CHRM3: variants seen among roughly 807,000 people sequenced by gnomAD.
CHRM3 encodes cholinergic receptor muscarinic 3, also known as muscarinic acetylcholine receptor M3.
In CHRM3, 11 loss-of-function variants were observed where a neutral mutation model predicts 41.8. That is an observed-to-expected ratio of 0.26 (90% CI 0.17 to 0.44). The LOEUF is 0.44. Ranked by LOEUF, CHRM3 falls within the 20% of genes least tolerant of loss-of-function variation. CHRM3 has a pLI of 1.00. For synonymous variants in CHRM3, 297 were observed against 301.4 expected (o/e 0.99, Z 0.15); for missense variants, 571 against 745.4 (o/e 0.77, Z 2.72).
At chr1:239,612,706 C>T (rs2148760677) in intron 3 of CHRM3, among the ~76,000 whole-genome samples, 1 of 152,302 alleles carries the variant, frequency 6.6e-6, no homozygotes, top group Non-Finnish European at 1.5e-5. Flanking sequence ...TGCTGAGCAT[C>T]ATATCACAGT....
chr1:239,590,138 C>G (rs1233317215), intron 3 of CHRM3, among the ~76,000 whole-genome samples: 1 of 152,134 alleles, frequency 6.6e-6, no homozygotes, highest in African/African-American at 2.4e-5. Context: ...CTCCTTTCTT[C>G]TCATCATCCC....
At chr1:239,597,723 T>G (rs1004825650) in intron 3 of CHRM3, among the ~76,000 whole-genome samples, 1 of 151,896 alleles carries the variant, frequency 6.6e-6, no homozygotes, top group Non-Finnish European at 1.5e-5. Context: ...TTAGTAATTC[T>G]TAACTCTATT....
intron 1 of CHRM3, among the ~76,000 whole-genome samples, chr1:239,484,394 G>T (rs1487168483): frequency 6.6e-6 from 1 of 152,178 alleles, no homozygotes; most frequent in Non-Finnish European, 1.5e-5. Context: ...AGCCATTCAT[G>T]AGGGTACTGC....
intron 3 of CHRM3, among the ~76,000 whole-genome samples, chr1:239,562,721 C>G (rs1272984122): frequency 6.6e-6 from 1 of 151,950 alleles, no homozygotes; most frequent in Non-Finnish European, 1.5e-5. Context: ...AACCCCATCT[C>G]TACTAAAAAT....
intron 5 of CHRM3, among the ~76,000 whole-genome samples, chr1:239,820,442 C>T: frequency 6.6e-6 from 1 of 152,158 alleles, no homozygotes; most frequent in South Asian, 2.1e-4. Flanking sequence ...TTCGTCTTCC[C>T]TCCTGCGATA....
chr1:239,859,428 T>TG (rs1162006645), intron 6 of CHRM3, among the ~76,000 whole-genome samples: 4,036 of 147,640 alleles, frequency 0.027, 187 homozygotes, highest in African/African-American at 0.096. Context: ...TGTTTTTTTT[T>TG]TTTGTTTTTT....
At chr1:239,730,086 C>G (rs1663818368) in intron 5 of CHRM3, among the ~76,000 whole-genome samples, 1 of 151,898 alleles carries the variant, frequency 6.6e-6, no homozygotes, top group Admixed American at 6.6e-5. Context: ...GGCAATACCA[C>G]TCCTATCAAT....
chr1:239,459,132 G>C (rs1665172366), intron 1 of CHRM3, among the ~76,000 whole-genome samples: 1 of 152,124 alleles, frequency 6.6e-6, no homozygotes, highest in African/African-American at 2.4e-5. Flanking sequence ...TTGTAACACA[G>C]ACCAGTGGCT....
chr1:239,907,385 A>G lies in CHRM3; in HGVS notation c.-19-48A>G, dbSNP rs1252672077. On this transcript the variant is annotated intron_variant, in intron 6 of 6. Transcript: ENST00000676153. The surrounding 1 kb of genome is among the most constrained non-coding windows in gnomAD (Gnocchi z 5.4). ...CGTATGTAATGCAAAGAACAAACAA[A>G]TAAAGGCAGAAATTTTTCTAACTCT... is the stretch of plus-strand genomic sequence containing the variant. The G allele has an allele frequency of 1.4e-6, 2 of 1,477,878 alleles. No homozygotes were observed. The highest frequency in any genetic ancestry group is 1.4e-5 in the African/African-American group (1 of 71,284). The allele number at this position is 1,477,878 out of a possible 1,614,324, so 91.5% of individuals were successfully genotyped here.
At chr1:239,756,319 AG>A (rs577608079) in intron 5 of CHRM3, among the ~76,000 whole-genome samples, 190 of 152,334 alleles carry the variant, frequency 1.2e-3, no homozygotes, top group South Asian at 3.7e-3. Flanking sequence ...ATGAATAAAG[AG>A]GACTTAAGAA....
At position 239,669,503 on chromosome 1, in the gene CHRM3, TA is replaced by T. The variant is rs1399506683; in HGVS notation, c.-249-8682del. On this transcript the variant is annotated intron_variant, in intron 4 of 6. Transcript: ENST00000676153. ...AGCACTAAATATCATTATTGTTTAA[TA>T]TAAAGAACCAGACTCAGATTTAACT... is the stretch of plus-strand genomic sequence containing the variant. Among the ~76,000 whole-genome samples the T allele has an allele frequency of 5.3e-5, 8 of 152,338 alleles. No homozygotes were observed. In the East Asian group the frequency reaches 1.5e-3, roughly 29 times the overall value.
At chr1:239,560,396 A>G (rs1660743200) in intron 3 of CHRM3, among the ~76,000 whole-genome samples, 1 of 152,162 alleles carries the variant, frequency 6.6e-6, no homozygotes, top group Admixed American at 6.5e-5. Flanking sequence ...CAAAACACCT[A>G]TAATCTCACC....
At chr1:239,572,232 C>G (rs1182888728) in intron 3 of CHRM3, among the ~76,000 whole-genome samples, 1 of 152,158 alleles carries the variant, frequency 6.6e-6, no homozygotes, top group Non-Finnish European at 1.5e-5. Context: ...GACATTGAGG[C>G]CCAGGACAGC....
At chr1:239,469,793 G>A (rs1218958902) in intron 1 of CHRM3, among the ~76,000 whole-genome samples, 3 of 152,140 alleles carry the variant, frequency 2.0e-5, no homozygotes, top group Admixed American at 6.5e-5. Context: ...CTGACCTCAG[G>A]TGATTCGCCC....
chr1:239,565,534 G>C (rs928847188), intron 3 of CHRM3, among the ~76,000 whole-genome samples: 1 of 152,098 alleles, frequency 6.6e-6, no homozygotes. Flanking sequence ...CTAATTAAAC[G>C]TAGGAATTAA....
At chr1:239,743,965 T>C (rs1004549972) in intron 5 of CHRM3, among the ~76,000 whole-genome samples, 4 of 147,886 alleles carry the variant, frequency 2.7e-5, no homozygotes, top group Non-Finnish European at 5.9e-5. Context: ...CGGCTAATTT[T>C]TTTTTTAAGT....
intron 1 of CHRM3, among the ~76,000 whole-genome samples, chr1:239,449,420 C>T (rs1196147998): frequency 6.6e-6 from 1 of 152,090 alleles, no homozygotes; most frequent in Non-Finnish European, 1.5e-5. Context: ...TACAATCCAA[C>T]ACACATTAAA....
chr1:239,455,487 A>T (rs1385820051), intron 1 of CHRM3, among the ~76,000 whole-genome samples: 3 of 152,166 alleles, frequency 2.0e-5, no homozygotes, highest in Non-Finnish European at 2.9e-5. Context: ...CCTTCCAGTG[A>T]AACAAGATGT....
At chr1:239,736,337 T>G (rs1664392490) in intron 5 of CHRM3, among the ~76,000 whole-genome samples, 2 of 152,078 alleles carry the variant, frequency 1.3e-5, no homozygotes, top group Non-Finnish European at 2.9e-5. Flanking sequence ...ACAAATAGTT[T>G]GTTATTATTA....
Sources: gnomAD v4.1 joint callset for allele counts (sites outside exome capture counted in the v4.1 genomes callset) on GRCh38, gnomAD v4.1.1 for gene constraint, Gnocchi (gnomAD v3.1) non-coding constraint, MANE v1.5 for transcripts, NCBI Gene and HGNC (gene_info 2026-07-23, HGNC 2026-07-21) for gene names.